ZNF804B: variants seen among roughly 807,000 people sequenced by gnomAD.
The protein encoded by ZNF804B is zinc finger 804B.
In ZNF804B, 80 loss-of-function variants were observed where a neutral mutation model predicts 101.4. That is an observed-to-expected ratio of 0.79 (90% CI 0.66 to 0.95). The LOEUF (loss-of-function observed/expected upper bound fraction) is 0.95, where lower values mean the gene tolerates loss of function less well. ZNF804B is among the 40% of genes least tolerant of loss of function. ZNF804B has a pLI of 0.00. For missense variants in ZNF804B, 1,673 were observed against 1,561.9 expected (o/e 1.07, Z -1.20); for synonymous variants, 622 against 558.8 (o/e 1.11, Z -1.59).
chr7:88,794,119 G>C, intron 1 of ZNF804B: 1 of 1,366,592 alleles, frequency 7.3e-7, no homozygotes, highest in Non-Finnish European at 9.9e-7. Context: ...CTTTAAAAAT[G>C]TTTTTTTTAT....
At chr7:89,277,657 T>C (rs1790009586) in intron 2 of ZNF804B, among the ~76,000 whole-genome samples, 1 of 151,636 alleles carries the variant, frequency 6.6e-6, no homozygotes, top group Admixed American at 6.6e-5. Context: ...ATTTCATCCA[T>C]GTCCCTACAA....
chr7:89,251,290 C>T (rs1029083449), intron 2 of ZNF804B, among the ~76,000 whole-genome samples: 1 of 152,088 alleles, frequency 6.6e-6, no homozygotes, highest in Admixed American at 6.6e-5. Flanking sequence ...CACTTCTATA[C>T]ACCAATAATA....
At chr7:89,310,507 A>T (rs1345742302) in intron 2 of ZNF804B, among the ~76,000 whole-genome samples, 1 of 152,092 alleles carries the variant, frequency 6.6e-6, no homozygotes, top group Non-Finnish European at 1.5e-5. Context: ...TTATTTTTTC[A>T]AAGAGAGTTC....
intron 1 of ZNF804B, among the ~76,000 whole-genome samples, chr7:88,816,611 A>G (rs1169360292): frequency 6.7e-6 from 1 of 150,348 alleles, no homozygotes; most frequent in Non-Finnish European, 1.5e-5. Flanking sequence ...ACATTTATGC[A>G]GCCAACAGAC....
intron 1 of ZNF804B, among the ~76,000 whole-genome samples, chr7:89,076,768 A>G (rs1348881949): frequency 1.3e-5 from 2 of 152,220 alleles, no homozygotes; most frequent in African/African-American, 2.4e-5. Flanking sequence ...TAGAGGCTTA[A>G]TTAAGCATAC....
At chr7:88,825,973 C>A (rs904301676) in intron 1 of ZNF804B, among the ~76,000 whole-genome samples, 3 of 152,078 alleles carry the variant, frequency 2.0e-5, no homozygotes, top group Admixed American at 1.3e-4. Context: ...GTTTTGACTG[C>A]AAAACCAGCA....
intron 2 of ZNF804B, among the ~76,000 whole-genome samples, chr7:89,231,610 A>C (rs1253668661): frequency 6.6e-6 from 1 of 151,872 alleles, no homozygotes; most frequent in Non-Finnish European, 1.5e-5. Flanking sequence ...ATTGCCTTTA[A>C]TTTATTGCAG....
intron 1 of ZNF804B, among the ~76,000 whole-genome samples, chr7:89,056,878 G>A (rs1371609919): frequency 2.0e-5 from 3 of 152,230 alleles, no homozygotes; most frequent in African/African-American, 7.2e-5. Flanking sequence ...GTCACTGAAT[G>A]AAGAGATGGG....
In ZNF804B at chr7:89,336,136, T is replaced by C. The variant is rs1791082483; in HGVS notation, c.3154T>C (p.Ser1052Pro). 1.9e-6 allele frequency: 3 copies of C among 1,613,796 alleles called. No homozygotes were observed. Among genetic ancestry groups the C allele is most frequent in the Non-Finnish European group, 2.5e-6 (3 of 1,179,956 alleles). Residue 1052 changes from serine (S) to proline (P), a missense_variant, in exon 4 of 4, where the codon TCA becomes CCA. Coordinates refer to ENST00000333190, the MANE Select transcript of ZNF804B (RefSeq NM_181646.5). ...AAGGGATGCAACAACAAAAGAACAA[T>C]CAAAACCTTTAATTAGTGAAATCCA... Reference protein sequence around the residue: ...IKRDATTKEQSKPLISEIQPF... With the variant: ...IKRDATTKEQPKPLISEIQPF...
At chr7:88,878,764 T>G (rs1472064508) in intron 1 of ZNF804B, among the ~76,000 whole-genome samples, 1 of 152,170 alleles carries the variant, frequency 6.6e-6, no homozygotes, top group African/African-American at 2.4e-5. Flanking sequence ...AGTAAAATCT[T>G]AATGAGATAA....
chr7:89,166,309 G>T (rs911537287), intron 1 of ZNF804B, among the ~76,000 whole-genome samples: 12 of 152,230 alleles, frequency 7.9e-5, no homozygotes, highest in Admixed American at 2.0e-4. Context: ...GAAAATCCAG[G>T]TATAATTTTA....
In ZNF804B at chr7:88,982,470, G is replaced by C. The variant is rs1332666920; in HGVS notation, c.108+222386G>C. ...ATGCTTCTTGAAACTAGAAATCCAT[G>C]ATTAGGGCATTGGAAGTTTTACTTT... On this transcript the variant is annotated intron_variant, in intron 1 of 3. Transcript: ENST00000333190. 2.6e-5 allele frequency among the ~76,000 whole-genome samples: 4 copies of C among 152,052 alleles called. No individual in the cohort carries two copies. The South Asian group carries it at 8.3e-4, about 32-fold the overall frequency.
chr7:88,998,007 A>G (rs1475930199), intron 1 of ZNF804B, among the ~76,000 whole-genome samples: 1 of 152,076 alleles, frequency 6.6e-6, no homozygotes, highest in African/African-American at 2.4e-5. Context: ...CACGCCTGGA[A>G]AGGGCTGTCT....
Position 88,879,905 on chromosome 7 carries a change from G to A in ZNF804B, c.108+119821G>A, listed in dbSNP as rs569476776. Among the ~76,000 whole-genome samples the A allele has an allele frequency of 2.0e-5, 3 of 152,180 alleles. 1 individual carries two copies. In the Middle Eastern group the frequency reaches 0.01, roughly 518 times the overall value. Reference sequence around the variant, plus strand: ...AATACAAAAATTAGTCGGGTGTAGTGGCAGACACCTGTATTCCGAGCTATG... The same window carrying A: ...AATACAAAAATTAGTCGGGTGTAGTAGCAGACACCTGTATTCCGAGCTATG... On this transcript the variant is annotated intron_variant, in intron 1 of 3. Transcript: ENST00000333190.
intron 1 of ZNF804B, among the ~76,000 whole-genome samples, chr7:89,159,121 T>G (rs963054183): frequency 5.3e-5 from 8 of 152,160 alleles, no homozygotes; most frequent in Non-Finnish European, 1.0e-4. Context: ...CATCTCTCTA[T>G]TCTCAATCTC....
chr7:89,156,249 G>A (rs1439077724), intron 1 of ZNF804B, among the ~76,000 whole-genome samples: 1 of 151,974 alleles, frequency 6.6e-6, no homozygotes, highest in Non-Finnish European at 1.5e-5. Flanking sequence ...GAGTAGCTGG[G>A]ATTACAGCCA....
chr7:89,049,813 A>G (rs12535247), intron 1 of ZNF804B, among the ~76,000 whole-genome samples: 20,666 of 152,018 alleles, frequency 0.14, 1,792 homozygotes, highest in East Asian at 0.28. Flanking sequence ...GAGGTTCAAG[A>G]CAAGCCTGGC....
At chr7:88,987,923 C>A (rs1793787520) in intron 1 of ZNF804B, among the ~76,000 whole-genome samples, 1 of 151,900 alleles carries the variant, frequency 6.6e-6, no homozygotes, top group South Asian at 2.1e-4. Context: ...CTTTTCTTCC[C>A]AGCCTCTGGT....
intron 1 of ZNF804B, among the ~76,000 whole-genome samples, chr7:89,135,084 T>A (rs554045905): frequency 6.6e-6 from 1 of 152,246 alleles, no homozygotes; most frequent in South Asian, 2.1e-4. Context: ...ATATTCGTTG[T>A]ATTTGGTCAT....
Sources: gnomAD v4.1 joint callset for allele counts (sites outside exome capture counted in the v4.1 genomes callset) on GRCh38, gnomAD v4.1.1 for gene constraint, MANE v1.5 for transcripts, NCBI Gene and HGNC (gene_info 2026-07-23, HGNC 2026-07-21) for gene names.